RTN4: variants seen among roughly 807,000 people sequenced by gnomAD.
RTN4 encodes the protein reticulon 4, also known as reticulon-4.
Under a neutral mutation model 90.4 loss-of-function variants are expected in RTN4, and 32 were observed. The observed-to-expected ratio is 0.35, with a 90% CI of 0.27 to 0.48. The LOEUF (loss-of-function observed/expected upper bound fraction) is 0.48, where lower values mean the gene tolerates loss of function less well. Ranked by LOEUF, RTN4 falls within the 20% of genes least tolerant of loss-of-function variation. RTN4 has a pLI of 0.99. For missense variants in RTN4, 1,706 were observed against 1,430.2 expected, an observed-to-expected ratio of 1.19 and a Z score of -3.11; for synonymous variants, 629 against 552.5, an observed-to-expected ratio of 1.14 and a Z score of -1.94.
chr2:54,972,530 A>ATGAC lies in RTN4; in HGVS notation c.*622_*625dup, dbSNP rs1156840853. The ATGAC allele has an allele frequency of 4.6e-5, 7 of 152,770 alleles. No individual in the cohort carries two copies. The highest frequency in any genetic ancestry group is 1.3e-4 in the Admixed American group (2 of 15,298). The allele number at this position is 152,770 out of a possible 1,614,324, so 9.5% of individuals were successfully genotyped here. A position where few individuals can be genotyped will look rare whatever the true frequency, so the allele number is the denominator to read the frequency against. On this transcript the variant is annotated 3_prime_UTR_variant, in exon 9 of 9. Coordinates refer to ENST00000337526, the MANE Select transcript of RTN4 (RefSeq NM_020532.5). ...CTTTGGAACTACACATGTATAACCA[A>ATGAC]TGACTGACTCTGAAATATCAAGCAC...
At chr2:55,009,463 A>T (rs1297906729) in intron 3 of RTN4, among the ~76,000 whole-genome samples, 1 of 152,160 alleles carries the variant, frequency 6.6e-6, no homozygotes, top group African/African-American at 2.4e-5. Context: ...GGGGGAGGAA[A>T]AGGGATCAAA....
intron 3 of RTN4, among the ~76,000 whole-genome samples, chr2:54,988,954 C>T (rs73936517): frequency 0.031 from 4,698 of 152,244 alleles, 243 homozygotes; most frequent in African/African-American, 0.1. Flanking sequence ...TCTCTCTGAA[C>T]TGTGAACAAT....
intron 4 of RTN4, 135 bp downstream of exon 4, chr2:54,987,356 T>C (rs1678646344): frequency 2.9e-6 from 2 of 700,596 alleles, no homozygotes; most frequent in South Asian, 1.8e-5. Flanking sequence ...GTTTTTGGTA[T>C]AGCTCAAGCA....
chr2:55,044,785 T>TA (rs10639848), intron 1 of RTN4, among the ~76,000 whole-genome samples: 20,668 of 65,698 alleles, frequency 0.31, 5,147 homozygotes, highest in East Asian at 0.63. Context: ...TGCAAATCAC[T>TA]AAAAAAAAAA....
chr2:55,048,003 T>TA (rs1667861449), intron 1 of RTN4, among the ~76,000 whole-genome samples: 1 of 152,204 alleles, frequency 6.6e-6, no homozygotes, highest in Non-Finnish European at 1.5e-5. Context: ...ACAGTATACT[T>TA]ACAGAAACCT....
chr2:55,016,766 T>C (rs1183594831), intron 3 of RTN4, among the ~76,000 whole-genome samples: 2 of 152,198 alleles, frequency 1.3e-5, no homozygotes, highest in Non-Finnish European at 2.9e-5. Context: ...TCATAAACTG[T>C]TGCTCTAACT....
At chr2:55,111,002 C>T (rs575654791) in intron 1 of RTN4, among the ~76,000 whole-genome samples, 14 of 152,180 alleles carry the variant, frequency 9.2e-5, no homozygotes, top group Admixed American at 5.9e-4. Context: ...GATCGTACCA[C>T]GGTACTCCAG....
intron 4 of RTN4, among the ~76,000 whole-genome samples, chr2:54,985,945 A>G (rs1013500722): frequency 6.6e-6 from 1 of 152,262 alleles, no homozygotes; most frequent in Admixed American, 6.5e-5. Context: ...CCTTATGCAA[A>G]ACAATTAACA....
rs186558336 is a variant in RTN4 at position 55,105,367 on chromosome 2, T to C, written c.-214+7153A>G. On this transcript the variant is annotated intron_variant, in intron 1 of 3. Coordinates refer to the RTN4 transcript ENST00000427710. ...GCCTCAGCCTCCTGAGTAGCTGGGATTACAGGCATTTGCCACCACACCCGG... is the reference window on the plus strand; with the variant it reads ...GCCTCAGCCTCCTGAGTAGCTGGGACTACAGGCATTTGCCACCACACCCGG... Among the ~76,000 whole-genome samples the C allele has an allele frequency of 8.8e-4, 134 of 151,628 alleles. 4 individuals are homozygous for C. Among genetic ancestry groups the C allele is most frequent in the African/African-American group, 3.1e-3 (129 of 41,258 alleles).
In RTN4 at chr2:55,025,255, C is replaced by A; in HGVS notation, c.2844G>T (p.Val948=). The change falls in exon 3 of 9, where the codon GTG becomes GTT. Residue 948 remains valine (V), a synonymous_variant. Coordinates refer to ENST00000337526, the MANE Select transcript of RTN4 (RefSeq NM_020532.5). Reference sequence around the variant, plus strand: ...CAGAAACATCTGGAGGCAATAAGAGCACCTTTGATGTAGCAGACCCATTTT... The same window carrying A: ...CAGAAACATCTGGAGGCAATAAGAGAACCTTTGATGTAGCAGACCCATTTT... ...FSKNGSATSK[V]LLLPPDVSAL... 6.2e-7 allele frequency: 1 copy of A among 1,613,894 alleles called. No homozygotes were observed. The highest frequency in any genetic ancestry group is 8.5e-7 in the Non-Finnish European group (1 of 1,179,862).
chr2:55,107,957 T>C (rs1667973256), intron 1 of RTN4, among the ~76,000 whole-genome samples: 1 of 151,668 alleles, frequency 6.6e-6, no homozygotes, highest in East Asian at 1.9e-4. Context: ...TTAAATTCGG[T>C]CCTTTTTTTT....
rs573125757 is a variant in RTN4 at position 55,031,972 on chromosome 2, T to C, written c.557-3752A>G. The stretch of plus-strand genomic sequence containing the variant: ...AACAAAGTTAAAACCACCAAATCCA[T>C]GACATGCAGTATAAAATAAATTAAT... On this transcript the variant is annotated intron_variant, in intron 1 of 8. Transcript: ENST00000337526. Among the ~76,000 whole-genome samples the C allele has an allele frequency of 4.6e-5, 7 of 152,054 alleles. No homozygotes were observed. The East Asian group carries it at 1.3e-3, about 29-fold the overall frequency.
upstream of RTN4, among the ~76,000 whole-genome samples, chr2:55,115,870 T>A (rs1156482124): frequency 6.6e-6 from 1 of 152,212 alleles, no homozygotes; most frequent in African/African-American, 2.4e-5. Flanking sequence ...CATCCTCTTA[T>A]GACCATTTTT....
At chr2:54,978,407 G>T (rs1242189261) in intron 5 of RTN4, among the ~76,000 whole-genome samples, 4 of 146,618 alleles carry the variant, frequency 2.7e-5, no homozygotes, top group African/African-American at 1.0e-4. Flanking sequence ...CTCCAGCCTG[G>T]GTGACACAGC....
chr2:55,104,346 C>A (rs1274880911), intron 1 of RTN4, among the ~76,000 whole-genome samples: 1 of 151,488 alleles, frequency 6.6e-6, no homozygotes, highest in Non-Finnish European at 1.5e-5. Flanking sequence ...CGTGAGCCAC[C>A]ATGCCTGGCT....
intron 2 of RTN4, among the ~76,000 whole-genome samples, chr2:55,077,668 C>T (rs183051549): frequency 6.6e-6 from 1 of 151,752 alleles, no homozygotes; most frequent in African/African-American, 2.4e-5. Context: ...CCTGCACACA[C>T]GTTTATAGCA....
chr2:55,049,488 A>G (rs1350283713), intron 1 of RTN4: 2 of 545,884 alleles, frequency 3.7e-6, no homozygotes, highest in Admixed American at 6.7e-5. Context: ...TGGGCATCAC[A>G]CAGGGTGAAA....
chr2:55,063,529 T>G (rs1200912664), intron 2 of RTN4, among the ~76,000 whole-genome samples: 1 of 151,992 alleles, frequency 6.6e-6, no homozygotes, highest in African/African-American at 2.4e-5. Context: ...TGAGTTGACT[T>G]TTTTTTTCAA....
chr2:55,076,840 A>G (rs1668611254), intron 2 of RTN4, among the ~76,000 whole-genome samples: 1 of 152,104 alleles, frequency 6.6e-6, no homozygotes, highest in Admixed American at 6.6e-5. Context: ...TGGTTTTAAA[A>G]GGGGCTTTTC....
Sources: allele counts gnomAD v4.1 joint callset (sites outside exome capture counted in the v4.1 genomes callset), GRCh38; gene constraint gnomAD v4.1.1; transcripts MANE v1.5; gene names NCBI Gene and HGNC (gene_info 2026-07-23, HGNC 2026-07-21).